Variants in NBEA observed in about 807,000 individuals in gnomAD.
NBEA encodes neurobeachin.
Under a neutral mutation model 343.4 loss-of-function variants are expected in NBEA, and 44 were observed. The ratio of observed to expected loss-of-function variants is 0.13; its 90% confidence interval spans 0.10 to 0.16. The LOEUF (loss-of-function observed/expected upper bound fraction) is 0.16. Ranked by LOEUF, NBEA falls within the 10% of genes least tolerant of loss-of-function variation. The probability of loss-of-function intolerance (pLI) is 1.00; values close to 1 mark genes in which losing one functional copy is unlikely to be tolerated. For missense variants in NBEA, 2,555 were observed against 3,631.3 expected, an observed-to-expected ratio of 0.70 and a Z score of 7.62; for synonymous variants, 1,175 against 1,238.7, an observed-to-expected ratio of 0.95 and a Z score of 1.08.
chr13:35,592,721 C>A (rs2081591942), intron 46 of NBEA, among the ~76,000 whole-genome samples: 3 of 152,022 alleles, frequency 2.0e-5, no homozygotes, highest in Non-Finnish European at 4.4e-5. Context: ...GATCATTCAG[C>A]CTCTTGTAAA....
intron 47 of NBEA, among the ~76,000 whole-genome samples, chr13:35,601,987 C>A (rs1324935834): frequency 6.6e-6 from 1 of 152,032 alleles, no homozygotes; most frequent in African/African-American, 2.4e-5. Flanking sequence ...ACCTACTTCA[C>A]AAACTTTTTG....
chr13:35,041,613 G>A (rs1050691668), intron 2 of NBEA, among the ~76,000 whole-genome samples: 3 of 151,872 alleles, frequency 2.0e-5, no homozygotes, highest in African/African-American at 7.2e-5. Context: ...TATAAGCATG[G>A]TGTATCTTTT....
intron 47 of NBEA, among the ~76,000 whole-genome samples, chr13:35,595,535 A>T (rs192208209): frequency 6.6e-6 from 1 of 151,996 alleles, no homozygotes; most frequent in Non-Finnish European, 1.5e-5. Flanking sequence ...CATATATACA[A>T]TAATTTATAT....
At chr13:35,227,003 A>G (rs2074690624) in intron 33 of NBEA, among the ~76,000 whole-genome samples, 1 of 152,028 alleles carries the variant, frequency 6.6e-6, no homozygotes, top group Non-Finnish European at 1.5e-5. Flanking sequence ...TTTAGCTTCA[A>G]TTTCTTAGTC....
chr13:35,635,949 G>T lies in NBEA; in HGVS notation c.7617+7701G>T, dbSNP rs527883589. Among the ~76,000 whole-genome samples, 168 of 152,264 alleles carry T rather than the reference G, an allele frequency of 1.1e-3. 1 individual carries two copies. Among genetic ancestry groups the T allele is most frequent in the Non-Finnish European group, 2.0e-3 (137 of 68,012 alleles). On this transcript the variant is annotated intron_variant, in intron 49 of 58. Coordinates refer to ENST00000379939, the MANE Select transcript of NBEA (RefSeq NM_001385012.1). ...TGACTTGTGCTTCTTTCTTCGCTTT[G>T]TGTTATTTTTATTGTGTGGTGTTGA...
intron 24 of NBEA, among the ~76,000 whole-genome samples, chr13:35,166,913 A>G (rs2070080601): frequency 6.6e-6 from 1 of 152,060 alleles, no homozygotes; most frequent in Admixed American, 6.6e-5. Context: ...AAAAGGAAAC[A>G]TTGGCAACGT....
chr13:35,109,903 A>T (rs1171320234), intron 12 of NBEA, among the ~76,000 whole-genome samples: 1 of 151,906 alleles, frequency 6.6e-6, no homozygotes, highest in Non-Finnish European at 1.5e-5. Flanking sequence ...ATTGTTTTAT[A>T]TACAAGGATT....
chr13:35,547,045 G>C (rs2079098625), intron 41 of NBEA, among the ~76,000 whole-genome samples: 1 of 152,164 alleles, frequency 6.6e-6, no homozygotes, highest in African/African-American at 2.4e-5. Context: ...GGGAATTATG[G>C]CTAGCTCAGA....
chr13:35,228,855 C>A (rs565467243), intron 33 of NBEA, among the ~76,000 whole-genome samples: 25 of 152,080 alleles, frequency 1.6e-4, no homozygotes, highest in African/African-American at 5.8e-4. Flanking sequence ...GCTTTTCAAA[C>A]CACACTTGAT....
intron 1 of NBEA, among the ~76,000 whole-genome samples, chr13:35,021,255 A>G (rs1443884868): frequency 6.6e-6 from 1 of 152,102 alleles, no homozygotes. Context: ...GTCTGCTTTC[A>G]AGTTACAGGT....
intron 38 of NBEA, among the ~76,000 whole-genome samples, chr13:35,365,017 A>C (rs909508186): frequency 2.0e-5 from 3 of 151,762 alleles, no homozygotes; most frequent in Non-Finnish European, 4.4e-5. Context: ...AAAAGCACTT[A>C]GTGATGTAGA....
chr13:35,106,039 A>G (rs542459706), intron 11 of NBEA, among the ~76,000 whole-genome samples: 2 of 152,120 alleles, frequency 1.3e-5, no homozygotes, highest in East Asian at 1.9e-4. Context: ...AGTGGATGCT[A>G]TAACGCAACT....
At chr13:35,149,899 TC>T (rs2068667954) in intron 18 of NBEA, among the ~76,000 whole-genome samples, 1 of 152,200 alleles carries the variant, frequency 6.6e-6, no homozygotes. Context: ...CTATTAGTCT[TC>T]CTGAAAAGTG....
intron 47 of NBEA, among the ~76,000 whole-genome samples, chr13:35,600,269 C>G (rs1278997289): frequency 6.6e-6 from 1 of 152,120 alleles, no homozygotes; most frequent in Non-Finnish European, 1.5e-5. Context: ...CAGTTGCTCC[C>G]CAGGCTTGGG....
intron 10 of NBEA, among the ~76,000 whole-genome samples, chr13:35,095,334 C>G (rs115192868): frequency 0.016 from 2,409 of 150,468 alleles, 65 homozygotes; most frequent in African/African-American, 0.05. Flanking sequence ...TTATTATAAA[C>G]AAATTAGTTA....
At chr13:35,171,009 A>C in intron 25 of NBEA, 1 of 541,468 alleles carries the variant, frequency 1.8e-6, no homozygotes, top group Non-Finnish European at 3.5e-6. Flanking sequence ...TAAGTTTAGG[A>C]TGTCATTTTT....
intron 40 of NBEA, among the ~76,000 whole-genome samples, chr13:35,471,255 G>T (rs1159000126): frequency 1.3e-5 from 2 of 152,120 alleles, no homozygotes; most frequent in Non-Finnish European, 2.9e-5. Context: ...AGCCAACTTG[G>T]CCGCCTCTCC....
intron 10 of NBEA, among the ~76,000 whole-genome samples, chr13:35,078,035 A>C (rs73483929): frequency 0.016 from 2,429 of 152,256 alleles, 65 homozygotes; most frequent in African/African-American, 0.05. Context: ...TACTTCATTT[A>C]AGGTGTCTTG....
chr13:35,214,773 A>G (rs1308864721), intron 33 of NBEA, among the ~76,000 whole-genome samples: 1 of 151,778 alleles, frequency 6.6e-6, no homozygotes, highest in African/African-American at 2.4e-5. Context: ...ACCTACCACA[A>G]AGTCATGTAG....
Sources: allele counts gnomAD v4.1 joint callset (sites outside exome capture counted in the v4.1 genomes callset), GRCh38; gene constraint gnomAD v4.1.1; transcripts MANE v1.5; gene names NCBI Gene and HGNC (gene_info 2026-07-23, HGNC 2026-07-21).